The following KIRREL1 variants were observed in gnomAD, a reference collection of about 807,000 sequenced individuals.
KIRREL1 encodes kin of IRRE-like protein 1.
A neutral mutation model predicts 83.3 loss-of-function variants in KIRREL1; 25 were observed. The observed-to-expected ratio is 0.30, with a 90% CI of 0.22 to 0.42. The LOEUF is 0.42. Among genes scored for constraint, KIRREL1 ranks in the 10% least tolerant of loss-of-function variants. The pLI is 1.00. For synonymous variants in KIRREL1, 388 were observed against 410.4 expected (o/e 0.95, Z 0.66); for missense variants, 812 against 1,032.3 (o/e 0.79, Z 2.92).
At chr1:158,045,098 T>A (rs951688476) in intron 1 of KIRREL1, among the ~76,000 whole-genome samples, 4 of 152,136 alleles carry the variant, frequency 2.6e-5, no homozygotes, top group Admixed American at 6.5e-5. Context: ...GCAGAGGTCC[T>A]GAGGGGAAAA....
chr1:158,025,926 G>A lies in KIRREL1; in HGVS notation c.52+32198G>A, dbSNP rs377170513. On this transcript the variant is annotated intron_variant, in intron 1 of 14. Coordinates refer to ENST00000359209, the MANE Select transcript of KIRREL1 (RefSeq NM_018240.7). ...CAGCAGAAGGGCTGGGGGAGGTGGC[G>A]TGAAGGGAGGATGGGCTGGGGCAGG... 4.6e-5 allele frequency among the ~76,000 whole-genome samples: 7 copies of A among 152,004 alleles called. No individual in the cohort carries two copies. The East Asian group carries it at 5.8e-4, about 13-fold the overall frequency.
chr1:157,994,245 G>C (rs557794284), intron 1 of KIRREL1, among the ~76,000 whole-genome samples: 5 of 152,256 alleles, frequency 3.3e-5, no homozygotes, highest in Admixed American at 3.3e-4. Context: ...CTGAATCACG[G>C]CTCCAGCCTG....
At chr1:158,082,004 G>A (rs1661875206) in intron 3 of KIRREL1, among the ~76,000 whole-genome samples, 1 of 152,128 alleles carries the variant, frequency 6.6e-6, no homozygotes, top group Admixed American at 6.5e-5. Context: ...AGCAGACCAG[G>A]AGGCCCTGAG....
At chr1:158,086,927 A>T (rs978966253) in intron 5 of KIRREL1, among the ~76,000 whole-genome samples, 181 bp downstream of exon 5, 6 of 152,050 alleles carry the variant, frequency 3.9e-5, no homozygotes, top group Non-Finnish European at 8.8e-5. Flanking sequence ...GGGCTGGTAG[A>T]GCATTGGCTG....
intron 3 of KIRREL1, 131 bp downstream of exon 3, chr1:158,078,271 A>T: frequency 9.8e-7 from 1 of 1,020,532 alleles, no homozygotes; most frequent in Non-Finnish European, 1.4e-6. Flanking sequence ...TCCCTGCCCT[A>T]ATGCTCAAGT....
At chr1:158,043,645 C>G (rs1374532408) in intron 1 of KIRREL1, among the ~76,000 whole-genome samples, 1 of 152,218 alleles carries the variant, frequency 6.6e-6, no homozygotes, top group Non-Finnish European at 1.5e-5. Context: ...GGCTGGGTAC[C>G]CCATTACCAT....
chr1:158,049,960 G>C (rs1660870202), intron 1 of KIRREL1, among the ~76,000 whole-genome samples: 1 of 152,168 alleles, frequency 6.6e-6, no homozygotes, highest in Non-Finnish European at 1.5e-5. Context: ...GAATCCACAA[G>C]TTTTGTGGAC....
At chr1:157,999,080 CT>C (rs1271127431) in intron 1 of KIRREL1, among the ~76,000 whole-genome samples, 2 of 152,166 alleles carry the variant, frequency 1.3e-5, no homozygotes, top group African/African-American at 4.8e-5. Flanking sequence ...GTTAAGGCAG[CT>C]GTGGAAGGAC....
Position 158,000,800 on chromosome 1 carries a change from A to T in KIRREL1, c.52+7072A>T, listed in dbSNP as rs555644490. Among the ~76,000 whole-genome samples, 38 of 152,282 alleles carry T rather than the reference A, an allele frequency of 2.5e-4. 1 individual carries two copies. The highest frequency in any genetic ancestry group is 7.0e-4 in the African/African-American group (29 of 41,560). On this transcript the variant is annotated intron_variant, in intron 1 of 14. Transcript: ENST00000359209. ...GCCCATTTAACAAAATAGGCATCGT[A>T]TTGAAATAAATGAGCCTTGCAGCCA...
intron 1 of KIRREL1, among the ~76,000 whole-genome samples, chr1:158,018,346 G>C (rs1659895670): frequency 1.3e-5 from 2 of 152,158 alleles, no homozygotes; most frequent in African/African-American, 4.8e-5. Flanking sequence ...GCAGAGTCAG[G>C]GGGCAGGGGA....
intron 1 of KIRREL1, among the ~76,000 whole-genome samples, chr1:158,075,414 C>T (rs1031801147): frequency 6.6e-6 from 1 of 152,146 alleles, no homozygotes. Flanking sequence ...CACACTTAGG[C>T]CCCCCTGCAC....
rs1662376319 is a variant in KIRREL1 at position 158,097,162 on chromosome 1, A to G, written c.*2042A>G. ...CATCCCTGGAAGCTGATACCTTTCT[A>G]TAGAGTCCTTTTATGAGAGCTCAGT... is the stretch of plus-strand genomic sequence containing the variant. On this transcript the variant is annotated 3_prime_UTR_variant, in exon 15 of 15. Coordinates refer to ENST00000359209, the MANE Select transcript of KIRREL1 (RefSeq NM_018240.7). The G allele has an allele frequency of 4.6e-6, 2 of 434,398 alleles. No individual in the cohort carries two copies. Among genetic ancestry groups the G allele is most frequent in the African/African-American group, 2.0e-5 (1 of 49,480 alleles). The allele number at this position is 434,398 out of a possible 1,614,324, so 26.9% of individuals were successfully genotyped here. A position where few individuals can be genotyped will look rare whatever the true frequency, so the allele number is the denominator to read the frequency against.
In KIRREL1 at chr1:158,096,724, GCGCTCCAAGGAGAAC is replaced by G. The variant is rs1273158180; in HGVS notation, c.*1606_*1620del. On this transcript the variant is annotated 3_prime_UTR_variant, in exon 15 of 15. Coordinates refer to ENST00000359209, the MANE Select transcript of KIRREL1 (RefSeq NM_018240.7). ...ACCACTTTCTGACCAAAGAGAACAG[GCGCTCCAAGGAGAAC>G]CTGTACCCCTGCCCCAGCCTCGCCT... 4.4e-6 allele frequency: 2 copies of G among 456,666 alleles called. No individual in the cohort carries two copies. Among genetic ancestry groups the G allele is most frequent in the Non-Finnish European group, 8.8e-6 (2 of 226,978 alleles). The allele number at this position is 456,666 out of a possible 1,614,324, so 28.3% of individuals were successfully genotyped here. A position where few individuals can be genotyped will look rare whatever the true frequency, so the allele number is the denominator to read the frequency against.
rs896230979 is a variant in KIRREL1 at position 158,086,731 on chromosome 1, G to C, written c.646G>C (p.Glu216Gln). Residue 216 changes from glutamate to glutamine, a missense_variant, in exon 5 of 15, where the codon GAG (glutamate) becomes CAG (glutamine). This residue lies in a region of KIRREL1 where 472 missense variants were observed against 626.8 expected (regional missense o/e 0.75). Coordinates refer to ENST00000359209, the MANE Select transcript of KIRREL1 (RefSeq NM_018240.7). ...CCCTAGTGGCAAGGAGACTTCCATC[G>C]AGCTGGATGTGCACCGTGAGTGGGC... ...AIPSGKETSI[E>Q]LDVHHPPTVT... 5.2e-6 allele frequency: 8 copies of C among 1,551,482 alleles called. No individual in the cohort carries two copies. The East Asian group carries it at 2.0e-4, about 38-fold the overall frequency.
chr1:158,017,563 GC>G (rs1474412995), intron 1 of KIRREL1, among the ~76,000 whole-genome samples: 1 of 151,908 alleles, frequency 6.6e-6, no homozygotes, highest in Non-Finnish European at 1.5e-5. Context: ...CATGGTGGTG[GC>G]GCCTGTAATC....
chr1:158,053,206 G>A (rs1660954612), intron 1 of KIRREL1, among the ~76,000 whole-genome samples: 1 of 152,190 alleles, frequency 6.6e-6, no homozygotes, highest in Non-Finnish European at 1.5e-5. Flanking sequence ...TTCCTTGAGA[G>A]CAGGAGGCAT....
intron 1 of KIRREL1, among the ~76,000 whole-genome samples, chr1:158,039,116 T>C (rs73022620): frequency 0.037 from 5,650 of 152,214 alleles, 319 homozygotes; most frequent in African/African-American, 0.12. Flanking sequence ...GCCATTATCC[T>C]TTCCAACACT....
chr1:158,043,943 C>T lies in KIRREL1; in HGVS notation c.53-32170C>T, dbSNP rs146916253. Among the ~76,000 whole-genome samples, 23 of 152,338 alleles carry T rather than the reference C, an allele frequency of 1.5e-4. 1 individual carries two copies. The East Asian group carries it at 4.2e-3, about 28-fold the overall frequency. ...ATTACTTAATTTCTCTTAGCCTCCA[C>T]ATTTCCATCTGTAAAATGGGGTTAA... is the stretch of plus-strand genomic sequence containing the variant. On this transcript the variant is annotated intron_variant, in intron 1 of 14. Coordinates refer to ENST00000359209, the MANE Select transcript of KIRREL1 (RefSeq NM_018240.7).
Position 158,086,816 on chromosome 1 carries a change from T to G in KIRREL1, c.661+70T>G, listed in dbSNP as rs555277710. 4 of 1,407,812 alleles carry G rather than the reference T, an allele frequency of 2.8e-6. No homozygotes were observed. The East Asian group carries it at 1.0e-4, about 35-fold the overall frequency. 87.2% of individuals were successfully genotyped at this position (1,407,812 alleles called of 1,614,324 possible). A position where few individuals can be genotyped will look rare whatever the true frequency, so the allele number is the denominator to read the frequency against. The stretch of plus-strand genomic sequence containing the variant: ...AGGGGTGTGTTTGAGAAGCACACTC[T>G]TAGTTTGAGAAACACAAACTAAGAG... On this transcript the variant is annotated intron_variant, in intron 5 of 14. Transcript: ENST00000359209.
Sources: gnomAD v4.1 joint callset for allele counts (sites outside exome capture counted in the v4.1 genomes callset) on GRCh38, gnomAD v4.1.1 for gene constraint, gnomAD v4.1.1 regional missense constraint, MANE v1.5 for transcripts, NCBI Gene and HGNC (gene_info 2026-07-23, HGNC 2026-07-21) for gene names.